Variants in UNC5D observed in about 807,000 individuals in gnomAD.
The protein encoded by UNC5D is unc-5 netrin receptor D.
UNC5D carries 39 observed loss-of-function variants against 105.4 expected under a neutral mutation model. The ratio of observed to expected loss-of-function variants is 0.37; its 90% confidence interval spans 0.29 to 0.48. UNC5D has a LOEUF of 0.48. Among genes scored for constraint, UNC5D ranks in the 20% least tolerant of loss-of-function variants. UNC5D has a pLI of 0.98. For missense variants in UNC5D, 991 were observed against 1,202.4 expected, an observed-to-expected ratio of 0.82 and a Z score of 2.60; for synonymous variants, 452 against 450.4, an observed-to-expected ratio of 1.00 and a Z score of -0.04.
chr8:35,479,536 C>A (rs1398785097), intron 1 of UNC5D, among the ~76,000 whole-genome samples: 1 of 152,094 alleles, frequency 6.6e-6, no homozygotes, highest in South Asian at 2.1e-4. Flanking sequence ...ATGGGATCAA[C>A]CAAGATGCCC....
chr8:35,448,968 T>G (rs1166407419), intron 1 of UNC5D, among the ~76,000 whole-genome samples: 1 of 152,152 alleles, frequency 6.6e-6, no homozygotes, highest in Non-Finnish European at 1.5e-5. Context: ...CTGAGTAGTA[T>G]TCCGTGGTGT....
At chr8:35,627,734 G>A (rs1351526098) in intron 4 of UNC5D, among the ~76,000 whole-genome samples, 1 of 152,088 alleles carries the variant, frequency 6.6e-6, no homozygotes, top group African/African-American at 2.4e-5. Context: ...CTTGACACCA[G>A]CCTGGGCAAC....
intron 1 of UNC5D, among the ~76,000 whole-genome samples, chr8:35,497,193 G>C (rs1200623052): frequency 6.6e-6 from 1 of 152,158 alleles, no homozygotes; most frequent in Non-Finnish European, 1.5e-5. Flanking sequence ...GGAATACTTA[G>C]CAAGGTCCAT....
chr8:35,315,742 C>T (rs938181182), intron 1 of UNC5D, among the ~76,000 whole-genome samples: 5 of 152,122 alleles, frequency 3.3e-5, no homozygotes, highest in Admixed American at 6.5e-5. Flanking sequence ...CCAGTTACCT[C>T]GGATGTATGG....
At chr8:35,300,290 A>T (rs920867521) in intron 1 of UNC5D, among the ~76,000 whole-genome samples, 16 of 151,960 alleles carry the variant, frequency 1.1e-4, no homozygotes, top group Non-Finnish European at 2.2e-4. Flanking sequence ...TCTACTAAAA[A>T]TACAAAAATT....
chr8:35,718,884 C>T (rs191641494), intron 8 of UNC5D, among the ~76,000 whole-genome samples: 1 of 152,128 alleles, frequency 6.6e-6, no homozygotes, highest in South Asian at 2.1e-4. Context: ...AGCGAGTGTC[C>T]ATCTAGCAGA....
intron 4 of UNC5D, among the ~76,000 whole-genome samples, chr8:35,618,595 A>G (rs1821170048): frequency 6.6e-6 from 1 of 152,238 alleles, no homozygotes; most frequent in Non-Finnish European, 1.5e-5. Context: ...GTTAGTTACC[A>G]TACATTGAGG....
chr8:35,545,783 C>T (rs1052030256), intron 1 of UNC5D, among the ~76,000 whole-genome samples: 1 of 152,102 alleles, frequency 6.6e-6, no homozygotes, highest in Non-Finnish European at 1.5e-5. Context: ...CATTTTCCTT[C>T]TTTTCTTATT....
intron 6 of UNC5D, among the ~76,000 whole-genome samples, chr8:35,685,005 T>C (rs1385656156): frequency 6.6e-6 from 1 of 152,236 alleles, no homozygotes; most frequent in South Asian, 2.1e-4. Flanking sequence ...CCAATTGCTA[T>C]GAAGTCTTGT....
chr8:35,565,197 C>T (rs1017047800), intron 2 of UNC5D, among the ~76,000 whole-genome samples: 2 of 152,132 alleles, frequency 1.3e-5, no homozygotes, highest in Non-Finnish European at 2.9e-5. Context: ...TACTGATTTA[C>T]GCTTACAATA....
chr8:35,452,039 T>C (rs1246130392), intron 1 of UNC5D, among the ~76,000 whole-genome samples: 3 of 152,288 alleles, frequency 2.0e-5, no homozygotes, highest in South Asian at 2.1e-4. Context: ...CTTCTTCCTA[T>C]AGGGGAAGCT....
At chr8:35,466,428 T>C (rs1271280298) in intron 1 of UNC5D, among the ~76,000 whole-genome samples, 17 of 152,194 alleles carry the variant, frequency 1.1e-4, no homozygotes, top group Non-Finnish European at 4.4e-5. Flanking sequence ...AGGATTTATA[T>C]ATAATTTGTC....
chr8:35,719,069 T>C (rs759619157), intron 8 of UNC5D, among the ~76,000 whole-genome samples: 1 of 151,494 alleles, frequency 6.6e-6, no homozygotes, highest in African/African-American at 2.4e-5. Flanking sequence ...CAAGGTTCTT[T>C]AGGGAGTTGA....
chr8:35,399,461 C>T lies in UNC5D; in HGVS notation c.104-149831C>T, dbSNP rs948944509. ...TATTATATTCTCTAGAGATAGAAAG[C>T]TTTTATTTTGTTCTGATTCAACTCA... On this transcript the variant is annotated intron_variant, in intron 1 of 16. Coordinates refer to ENST00000404895, the MANE Select transcript of UNC5D (RefSeq NM_080872.4). Among the ~76,000 whole-genome samples, 5 of 151,880 alleles carry T rather than the reference C, an allele frequency of 3.3e-5. No individual in the cohort carries two copies. The South Asian group carries it at 8.3e-4, about 25-fold the overall frequency.
chr8:35,646,261 CTA>C (rs1301223187), intron 4 of UNC5D, among the ~76,000 whole-genome samples: 3 of 152,030 alleles, frequency 2.0e-5, no homozygotes, highest in African/African-American at 7.2e-5. Flanking sequence ...GAGAAAAACA[CTA>C]TGCTTTTTTT....
intron 1 of UNC5D, among the ~76,000 whole-genome samples, chr8:35,277,185 C>T (rs991280399): frequency 6.6e-6 from 1 of 152,220 alleles, no homozygotes; most frequent in African/African-American, 2.4e-5. Flanking sequence ...TCATCTGCAT[C>T]TCATTATTGG....
Position 35,796,346 on chromosome 8 carries a change from AC to A in UNC5D, c.*5784del, listed in dbSNP as rs1803252670. 6.6e-6 allele frequency: 1 copy of A among 150,918 alleles called. No individual in the cohort carries two copies. Among genetic ancestry groups the A allele is most frequent in the Admixed American group, 6.6e-5 (1 of 15,056 alleles). 9.3% of individuals were successfully genotyped at this position (150,918 alleles called of 1,614,324 possible). ...CATGTACATATCTATAAATATATAT[AC>A]ATATATATTTGGTAATGCCAAACAG... On this transcript the variant is annotated 3_prime_UTR_variant, in exon 17 of 17. Transcript: ENST00000404895.
intron 1 of UNC5D, among the ~76,000 whole-genome samples, chr8:35,504,821 C>A (rs1812202225): frequency 6.6e-6 from 1 of 152,052 alleles, no homozygotes; most frequent in Non-Finnish European, 1.5e-5. Context: ...TAGATGACTC[C>A]TCTTCTCTCA....
intron 3 of UNC5D, among the ~76,000 whole-genome samples, chr8:35,576,183 G>A (rs1014172668): frequency 6.6e-6 from 1 of 152,212 alleles, no homozygotes; most frequent in Admixed American, 6.5e-5. Context: ...TCAACAGCAA[G>A]TGCATTAAAT....
Sources: allele counts gnomAD v4.1 joint callset (sites outside exome capture counted in the v4.1 genomes callset), GRCh38; gene constraint gnomAD v4.1.1; transcripts MANE v1.5; gene names NCBI Gene and HGNC (gene_info 2026-07-23, HGNC 2026-07-21).